Variants in AFF2 observed in about 807,000 individuals in gnomAD.
The protein encoded by AFF2 is ALF transcription elongation factor 2, also known as AF4/FMR2 family member 2.
A neutral mutation model predicts 76.9 loss-of-function variants in AFF2; 14 were observed. The observed-to-expected ratio is 0.18, with a 90% confidence interval of 0.12 to 0.28. The LOEUF is 0.28. Among genes scored for constraint, AFF2 ranks in the 10% least tolerant of loss-of-function variants. The pLI, the probability that AFF2 is intolerant of heterozygous loss-of-function variation, is 1.00. For missense variants in AFF2, 868 were observed against 1,001.1 expected (o/e 0.87, Z 1.79); for synonymous variants, 398 against 366.7 (o/e 1.09, Z -0.98).
intron 8 of AFF2, among the ~76,000 whole-genome samples, chrX:148,898,255 C>A (rs1207857227): frequency 3.6e-5 from 4 of 111,757 alleles, no homozygotes; most frequent in Non-Finnish European, 7.5e-5. Flanking sequence ...AGTGGCTGTT[C>A]AACTGGCTGT....
chrX:148,531,048 T>C (rs1184339131), intron 1 of AFF2, among the ~76,000 whole-genome samples: 1 of 112,048 alleles, frequency 8.9e-6, no homozygotes, highest in Non-Finnish European at 1.9e-5. Context: ...AAGAAAAATA[T>C]AACTTCTGTT....
intron 1 of AFF2, among the ~76,000 whole-genome samples, chrX:148,581,225 T>TACGTATACTTATACGTATACAC (rs2053375185): frequency 5.4e-5 from 1 of 18,476 alleles, no homozygotes; most frequent in African/African-American, 3.8e-4. Flanking sequence ...ATATATAATA[T>TACGTATACTTATACGTATACAC]ACGTATACGT....
chrX:148,920,984 G>A (rs1007930521), intron 9 of AFF2, among the ~76,000 whole-genome samples: 11 of 111,132 alleles, frequency 9.9e-5, no homozygotes, highest in South Asian at 3.8e-4. Flanking sequence ...ATATGGAGCC[G>A]CTGCAGCAAA....
intron 3 of AFF2, among the ~76,000 whole-genome samples, chrX:148,787,095 G>A (rs1208280901): frequency 5.3e-5 from 6 of 112,511 alleles, no homozygotes; most frequent in African/African-American, 1.6e-4. Context: ...AACAAATAAT[G>A]TCTGTAGGAG....
At chrX:148,962,000 A>G (rs2072114389) in intron 12 of AFF2, among the ~76,000 whole-genome samples, 1 of 112,604 alleles carries the variant, frequency 8.9e-6, no homozygotes, top group Admixed American at 9.4e-5. Context: ...ATGGGCAGAT[A>G]AATCAGTTTG....
intron 1 of AFF2, among the ~76,000 whole-genome samples, chrX:148,597,743 G>C (rs782456055): frequency 8.9e-6 from 1 of 111,993 alleles, no homozygotes; most frequent in African/African-American, 3.3e-5. Context: ...CCCCTGAGGA[G>C]TCACAGAGCA....
At chrX:148,967,501 C>T (rs1557288943) in intron 14 of AFF2, 128 bp from the exon 15 acceptor site, 2 of 574,092 alleles carry the variant, frequency 3.5e-6, no homozygotes, top group Non-Finnish European at 5.5e-6. Context: ...ATATGAATGA[C>T]AGCATTAGTC....
chrX:148,791,280 A>C (rs2069890909), intron 3 of AFF2, among the ~76,000 whole-genome samples: 1 of 112,096 alleles, frequency 8.9e-6, no homozygotes, highest in Non-Finnish European at 1.9e-5. Context: ...TCATGATGGA[A>C]GGTGAATGAG....
intron 9 of AFF2, among the ~76,000 whole-genome samples, chrX:148,948,730 T>C (rs781868627): frequency 9.1e-6 from 1 of 110,037 alleles, no homozygotes; most frequent in African/African-American, 3.3e-5. Flanking sequence ...CTCAGAACAA[T>C]TGTTCATTGT....
At chrX:148,645,893 A>C (rs1403939890) in intron 1 of AFF2, among the ~76,000 whole-genome samples, 1 of 111,911 alleles carries the variant, frequency 8.9e-6, no homozygotes, top group Non-Finnish European at 1.9e-5. Context: ...GAGCCCTCTT[A>C]ATGAGCACAG....
intron 1 of AFF2, among the ~76,000 whole-genome samples, chrX:148,610,422 C>T (rs1480827416): frequency 1.3e-4 from 14 of 111,550 alleles, no homozygotes; most frequent in Non-Finnish European, 2.6e-4. Context: ...TTGTGCATTT[C>T]CTTTCAAAAC....
intron 4 of AFF2, among the ~76,000 whole-genome samples, chrX:148,820,817 A>C (rs2070319893): frequency 8.9e-6 from 1 of 112,140 alleles, no homozygotes; most frequent in Non-Finnish European, 1.9e-5. Flanking sequence ...ATGAAAAAAC[A>C]ATTTAAGAGT....
At chrX:148,644,066 A>C (rs1450823428) in intron 1 of AFF2, among the ~76,000 whole-genome samples, 1 of 111,618 alleles carries the variant, frequency 9.0e-6, no homozygotes, top group Admixed American at 9.5e-5. Flanking sequence ...GCACTCTTAC[A>C]ATATTTTTGA....
intron 1 of AFF2, among the ~76,000 whole-genome samples, chrX:148,601,440 A>G (rs1272924175): frequency 1.8e-5 from 2 of 111,759 alleles, no homozygotes; most frequent in Non-Finnish European, 3.8e-5. Context: ...TTCACCTTTA[A>G]GAAACAAAAG....
At chrX:148,822,196 C>T (rs1371789115) in intron 4 of AFF2, 7 of 111,802 alleles carry the variant, frequency 6.3e-5, no homozygotes, top group African/African-American at 1.9e-4. Flanking sequence ...CAGCTCCAAT[C>T]GTTTAGATGT....
chrX:148,502,713 A>G lies in AFF2; in HGVS notation c.47+1569A>G, dbSNP rs782501416. 4.4e-5 allele frequency among the ~76,000 whole-genome samples: 5 copies of G among 113,066 alleles called. No homozygotes were observed. In the South Asian group the frequency reaches 1.8e-3, roughly 41 times the overall value. ...CTGATAACCATAGCACTCTATTTGC[A>G]TACAATTTGCCTAATATGTGGTGTG... is the stretch of plus-strand genomic sequence containing the variant. On this transcript the variant is annotated intron_variant, in intron 1 of 20. Coordinates refer to ENST00000370460, the MANE Select transcript of AFF2 (RefSeq NM_002025.4).
At chrX:148,874,755 T>G (rs2071017371) in intron 7 of AFF2, among the ~76,000 whole-genome samples, 1 of 111,700 alleles carries the variant, frequency 9.0e-6, no homozygotes, top group Non-Finnish European at 1.9e-5. Flanking sequence ...CGGTTCAGTT[T>G]TTCTTTATGA....
rs1168414752 is a variant in AFF2, at chrX:148,764,150, A to G, written c.1042-45726A>G. ...GATAAAATACAGATGTGGCATAGAA[A>G]GAACTTGCATGGTGAGCAGAAATAG... On this transcript the variant is annotated intron_variant, in intron 3 of 20. Transcript: ENST00000370460. Among the ~76,000 whole-genome samples, 5 of 112,257 alleles carry G rather than the reference A, an allele frequency of 4.5e-5. No individual in the cohort carries two copies. In the Admixed American group the frequency reaches 4.7e-4, roughly 11 times the overall value.
chrX:148,663,132 G>A (rs1258494217), intron 3 of AFF2, among the ~76,000 whole-genome samples: 4 of 112,110 alleles, frequency 3.6e-5, no homozygotes, highest in Non-Finnish European at 7.5e-5. Context: ...AGAAGATTGC[G>A]AGTCACTATA....
Sources: allele counts gnomAD v4.1 joint callset (sites outside exome capture counted in the v4.1 genomes callset), GRCh38; gene constraint gnomAD v4.1.1; transcripts MANE v1.5; gene names NCBI Gene and HGNC (gene_info 2026-07-23, HGNC 2026-07-21).